The following DPP6 variants were observed in gnomAD, a reference collection of about 807,000 sequenced individuals.
The protein encoded by DPP6 is dipeptidyl peptidase like 6, also known as A-type potassium channel modulatory protein DPP6.
Under a neutral mutation model 122.6 loss-of-function variants are expected in DPP6, and 69 were observed. The observed-to-expected ratio is 0.56, with a 90% CI of 0.46 to 0.69. The LOEUF (loss-of-function observed/expected upper bound fraction) is 0.69, where lower values mean the gene tolerates loss of function less well. Among genes scored for constraint, DPP6 ranks in the 30% least tolerant of loss-of-function variants. DPP6 has a pLI of 0.00. For missense variants in DPP6, 928 were observed against 1,116.9 expected, an observed-to-expected ratio of 0.83 and a Z score of 2.41; for synonymous variants, 418 against 433.1, an observed-to-expected ratio of 0.97 and a Z score of 0.43.
chr7:153,808,790 C>T, the DPP6 span, among the ~76,000 whole-genome samples: 1 of 152,072 alleles, frequency 6.6e-6, no homozygotes, highest in African/African-American at 2.4e-5. Context: ...CTTCATCTAT[C>T]AATGGATTCT....
At chr7:154,727,245 A>G (rs1398936026) in intron 7 of DPP6, among the ~76,000 whole-genome samples, 1 of 152,190 alleles carries the variant, frequency 6.6e-6, no homozygotes, top group East Asian at 1.9e-4. Flanking sequence ...ACTTTCAATC[A>G]TGGTGGAAGG....
chr7:154,649,235 G>A (rs537023842), intron 6 of DPP6, among the ~76,000 whole-genome samples: 45 of 152,300 alleles, frequency 3.0e-4, no homozygotes, highest in African/African-American at 1.1e-3. Flanking sequence ...TTTCACTGCT[G>A]AGGAGTGGTC....
intron 1 of DPP6, among the ~76,000 whole-genome samples, chr7:154,169,096 GC>G (rs1449628071): frequency 7.5e-5 from 7 of 93,638 alleles, no homozygotes; most frequent in East Asian, 3.0e-3. Context: ...TGATTGCGCT[GC>G]TGGCTTCTCC....
Position 154,223,446 on chromosome 7 carries a change from A to C in DPP6, c.243+170383A>C, listed in dbSNP as rs144532067. 5.8e-4 allele frequency among the ~76,000 whole-genome samples: 87 copies of C among 149,384 alleles called. 13 individuals carry two copies. Among genetic ancestry groups the C allele is most frequent in the African/African-American group, 2.2e-3 (85 of 39,264 alleles). On this transcript the variant is annotated intron_variant, in intron 1 of 25. Coordinates refer to ENST00000377770, the MANE Select transcript of DPP6 (RefSeq NM_130797.4). Reference sequence around the variant, plus strand: ...GAATCAAGTGTAACTACATAAGCAAATGTAAAAATGTAATGGGGACACACT... The same window carrying C: ...GAATCAAGTGTAACTACATAAGCAACTGTAAAAATGTAATGGGGACACACT...
rs1402843857 is a variant in DPP6 at position 154,403,438 on chromosome 7, G to T, written c.244-42776G>T. On this transcript the variant is annotated intron_variant, in intron 1 of 25. Transcript: ENST00000377770. This position sits in a 1 kb window ranked among gnomAD's most constrained non-coding sequence, Gnocchi z 4.1. ...TGAAGAGTCCGAAGGATCCAGAATG[G>T]CAGAGAGGGGAAATGGGGGCAGCCA... Among the ~76,000 whole-genome samples, 3 of 152,198 alleles carry T rather than the reference G, an allele frequency of 2.0e-5. No homozygotes were observed. The highest frequency in any genetic ancestry group is 7.2e-5 in the African/African-American group (3 of 41,460).
intron 16 of DPP6, among the ~76,000 whole-genome samples, chr7:154,830,212 T>C (rs1030891597): frequency 3.3e-5 from 5 of 152,206 alleles, no homozygotes; most frequent in Non-Finnish European, 5.9e-5. Context: ...GCTGCCTTTT[T>C]TCTGATCACC....
chr7:154,532,357 A>G (rs991281824), intron 3 of DPP6, among the ~76,000 whole-genome samples: 4 of 152,160 alleles, frequency 2.6e-5, no homozygotes, highest in Non-Finnish European at 5.9e-5. Flanking sequence ...CACAGGAAAA[A>G]TTTTAGCTTT....
At chr7:154,086,322 C>T (rs1381684281) in intron 1 of DPP6, among the ~76,000 whole-genome samples, 2 of 146,108 alleles carry the variant, frequency 1.4e-5, no homozygotes, top group African/African-American at 5.1e-5. Flanking sequence ...ACACAGCATG[C>T]CGAGCAGGGT....
intron 1 of DPP6, among the ~76,000 whole-genome samples, chr7:154,116,416 G>T (rs1030433016): frequency 2.6e-5 from 4 of 152,242 alleles, no homozygotes; most frequent in Middle Eastern, 3.4e-3. Context: ...TTATGTTCTG[G>T]CCTTGATTAC....
At chr7:154,051,395 C>T (rs1225949658), upstream of DPP6, among the ~76,000 whole-genome samples, 1 of 149,708 alleles carries the variant, frequency 6.7e-6, no homozygotes, top group Admixed American at 6.6e-5. Flanking sequence ...TGCCCAGCAA[C>T]TCCAGAAGGA....
intron 1 of DPP6, among the ~76,000 whole-genome samples, chr7:154,309,792 A>G (rs746242680): frequency 2.0e-5 from 3 of 152,230 alleles, no homozygotes; most frequent in Non-Finnish European, 2.9e-5. Context: ...AGGAGTCCCA[A>G]TAGGGAAGGT....
Position 154,580,135 on chromosome 7 carries a change from CCT to C in DPP6, c.627+13227_627+13228del, listed in dbSNP as rs1831956218. Among the ~76,000 whole-genome samples the C allele has an allele frequency of 2.2e-5, 3 of 137,368 alleles. No individual in the cohort carries two copies. The Admixed American group carries it at 2.2e-4, about 10-fold the overall frequency. 90.1% of individuals were successfully genotyped at this position (137,368 alleles called of 152,430 possible). On this transcript the variant is annotated intron_variant, in intron 5 of 25. Transcript: ENST00000377770. The stretch of plus-strand genomic sequence containing the variant: ...TCAAGTGGGTATGTCTGACGATCTG[CCT>C]CTCTCTCCCCCTTACACACACACAC...
chr7:154,586,580 C>T (rs559634857), intron 5 of DPP6, among the ~76,000 whole-genome samples: 4 of 152,318 alleles, frequency 2.6e-5, no homozygotes, highest in South Asian at 2.1e-4. Context: ...CGGTGGGACA[C>T]GGAGCCCAGC....
At chr7:154,372,166 C>T (rs909745313) in intron 1 of DPP6, among the ~76,000 whole-genome samples, 3 of 152,048 alleles carry the variant, frequency 2.0e-5, no homozygotes, top group Admixed American at 6.5e-5. Context: ...TTCATGTTGT[C>T]GGATCACATT....
intron 1 of DPP6, among the ~76,000 whole-genome samples, chr7:153,973,294 C>T (rs1011215856): frequency 2.4e-4 from 36 of 152,248 alleles, no homozygotes; most frequent in African/African-American, 5.1e-4. Context: ...CAGAATTAAA[C>T]GCTGCTGCAG....
At chr7:154,519,056 A>G (rs943217366) in intron 3 of DPP6, among the ~76,000 whole-genome samples, 2 of 152,144 alleles carry the variant, frequency 1.3e-5, no homozygotes, top group Admixed American at 1.3e-4. Flanking sequence ...TGATACCTCC[A>G]CCCACTCGGA....
Position 154,749,384 on chromosome 7 carries a change from G to A in DPP6, c.884-20033G>A, listed in dbSNP as rs868370220. Among the ~76,000 whole-genome samples the A allele has an allele frequency of 5.8e-3, 696 of 120,776 alleles. 17 individuals carry two copies. Among genetic ancestry groups the A allele is most frequent in the African/African-American group, 0.028 (663 of 23,732 alleles). 79.2% of individuals were successfully genotyped at this position (120,776 alleles called of 152,430 possible). A position where few individuals can be genotyped will look rare whatever the true frequency, so the allele number is the denominator to read the frequency against. ...GAGAGGGTGAGAGCATAGGACGAGA[G>A]AGAGAGGGATGGAGGCTTTACTGAG... On this transcript the variant is annotated intron_variant, in intron 8 of 25. Coordinates refer to ENST00000377770, the MANE Select transcript of DPP6 (RefSeq NM_130797.4).
intron 1 of DPP6, among the ~76,000 whole-genome samples, chr7:154,374,534 C>G (rs767520321): frequency 6.6e-6 from 1 of 152,162 alleles, no homozygotes; most frequent in Non-Finnish European, 1.5e-5. Context: ...CTTTCCCCTC[C>G]ACACTTTGAG....
chr7:154,482,580 CAT>C (rs1185884938), intron 3 of DPP6, among the ~76,000 whole-genome samples: 1 of 152,140 alleles, frequency 6.6e-6, no homozygotes, highest in Non-Finnish European at 1.5e-5. Flanking sequence ...CAGATAATAA[CAT>C]ATATTGAATA....
Sources: gnomAD v4.1 joint callset for allele counts (sites outside exome capture counted in the v4.1 genomes callset) on GRCh38, gnomAD v4.1.1 for gene constraint, Gnocchi (gnomAD v3.1) non-coding constraint, MANE v1.5 for transcripts, NCBI Gene and HGNC (gene_info 2026-07-23, HGNC 2026-07-21) for gene names.